The following SLC39A8 variants were observed in gnomAD, a reference collection of about 807,000 sequenced individuals.
The protein encoded by SLC39A8 is metal cation symporter ZIP8.
Under a neutral mutation model 40.4 loss-of-function variants are expected in SLC39A8, and 15 were observed. The observed-to-expected ratio is 0.37, with a 90% CI of 0.25 to 0.57. SLC39A8 has a LOEUF of 0.57. Ranked by LOEUF, SLC39A8 falls within the 20% of genes least tolerant of loss-of-function variation. The pLI is 0.75. For synonymous variants in SLC39A8, 223 were observed against 221.6 expected (o/e 1.01, Z -0.06); for missense variants, 472 against 558.8 (o/e 0.84, Z 1.57).
At chr4:102,275,638 TAGATATCTAC>T (rs755329613) in intron 6 of SLC39A8, among the ~76,000 whole-genome samples, 6 of 152,162 alleles carry the variant, frequency 3.9e-5, no homozygotes, top group Admixed American at 6.5e-5. Context: ...GCTGACCTAA[TAGATATCTAC>T]AGAACTCTCC....
At chr4:102,307,381 C>T (rs1033604205) in intron 4 of SLC39A8, 55 bp downstream of exon 4, 2 of 1,588,688 alleles carry the variant, frequency 1.3e-6, no homozygotes, top group African/African-American at 2.7e-5. Flanking sequence ...ATACAAAGTG[C>T]TAAAACGTTC....
intron 8 of SLC39A8, among the ~76,000 whole-genome samples, chr4:102,265,619 A>G (rs927520757): frequency 6.6e-6 from 1 of 152,230 alleles, no homozygotes; most frequent in Non-Finnish European, 1.5e-5. Flanking sequence ...AGTGCATCAA[A>G]GCAATGTGCA....
At chr4:102,296,172 C>T (rs1733669303) in intron 6 of SLC39A8, among the ~76,000 whole-genome samples, 2 of 152,026 alleles carry the variant, frequency 1.3e-5, no homozygotes, top group African/African-American at 2.4e-5. Flanking sequence ...TAAAGTCCAG[C>T]TTTACTTTCT....
intron 11 of SLC39A8, among the ~76,000 whole-genome samples, chr4:102,255,492 C>T (rs185656330): frequency 6.6e-6 from 1 of 152,222 alleles, no homozygotes; most frequent in Admixed American, 6.5e-5. Flanking sequence ...AGGAACATGA[C>T]CACCAGAAGC....
intron 6 of SLC39A8, among the ~76,000 whole-genome samples, chr4:102,268,823 C>A (rs1732222929): frequency 6.6e-6 from 1 of 152,170 alleles, no homozygotes; most frequent in Admixed American, 6.5e-5. Context: ...GTGATGGACT[C>A]TTTGTAGGAA....
At position 102,344,451 on chromosome 4, in the gene SLC39A8, A is replaced by C. The variant is rs1469606616; in HGVS notation, c.212T>G (p.Phe71Cys). The C allele has an allele frequency of 1.3e-6, 2 of 1,536,456 alleles. No individual in the cohort carries two copies. The highest frequency in any genetic ancestry group is 1.2e-5 in the South Asian group (1 of 81,912). ...VGVPEPGQLHFNQCLTAEEIF... is the reference protein window; with the variant it reads ...VGVPEPGQLHCNQCLTAEEIF... The stretch of plus-strand genomic sequence containing the variant: ...CGGACCTGGCGGCCTTACCTGGTTG[A>C]AGTGCAGCTGGCCAGGCTCCGGGAC... Residue 71 changes from phenylalanine (F) to cysteine (C), a missense_variant, in exon 2 of 9, where the codon TTC (phenylalanine) becomes TGC (cysteine). Physicochemically the swap from Phe to Cys is radical, Grantham distance 205. Coordinates refer to ENST00000356736, the MANE Select transcript of SLC39A8 (RefSeq NM_001135146.2).
chr4:102,340,210 G>C (rs1171229357), intron 2 of SLC39A8, among the ~76,000 whole-genome samples: 1 of 152,114 alleles, frequency 6.6e-6, no homozygotes, highest in East Asian at 1.9e-4. Context: ...CTAGTCTCTA[G>C]AGAGAGGAGT....
chr4:102,308,748 C>T (rs535531200), intron 3 of SLC39A8, among the ~76,000 whole-genome samples: 6 of 152,254 alleles, frequency 3.9e-5, no homozygotes, highest in African/African-American at 1.4e-4. Context: ...CTCCATGGCA[C>T]TGTCAGTGGA....
chr4:102,332,662 C>T (rs1298249939), intron 2 of SLC39A8, among the ~76,000 whole-genome samples: 1 of 152,254 alleles, frequency 6.6e-6, no homozygotes, highest in Non-Finnish European at 1.5e-5. Flanking sequence ...AGTCCCATTA[C>T]TGGGTATATA....
intron 6 of SLC39A8, among the ~76,000 whole-genome samples, chr4:102,276,270 T>C (rs1381423430): frequency 1.1e-4 from 17 of 150,984 alleles, no homozygotes. Context: ...GAGAGAAGAA[T>C]CAAATAGACA....
At chr4:102,299,896 A>C (rs531162431) in intron 6 of SLC39A8, among the ~76,000 whole-genome samples, 1 of 151,874 alleles carries the variant, frequency 6.6e-6, no homozygotes, top group African/African-American at 2.4e-5. Flanking sequence ...TCCAACAAAC[A>C]CCAAGGCTGT....
At chr4:102,301,980 G>A (rs73834732) in intron 6 of SLC39A8, among the ~76,000 whole-genome samples, 58 of 152,106 alleles carry the variant, frequency 3.8e-4, no homozygotes, top group African/African-American at 1.2e-3. Context: ...TCATCAGAAG[G>A]AACTTTCCTG....
intron 6 of SLC39A8, among the ~76,000 whole-genome samples, chr4:102,298,865 A>G (rs1733786896): frequency 6.6e-6 from 1 of 152,066 alleles, no homozygotes; most frequent in East Asian, 1.9e-4. Context: ...AGAGGCACCA[A>G]GTACTTCTGA....
intron 6 of SLC39A8, among the ~76,000 whole-genome samples, chr4:102,280,674 T>C (rs568228538): frequency 2.8e-4 from 43 of 152,346 alleles, no homozygotes; most frequent in African/African-American, 8.9e-4. Context: ...CTTTAATGCA[T>C]GTAACCAAAT....
chr4:102,268,819 G>A (rs1463798261), intron 6 of SLC39A8, among the ~76,000 whole-genome samples: 4 of 152,156 alleles, frequency 2.6e-5, no homozygotes, highest in African/African-American at 7.2e-5. Context: ...TCCTGTGATG[G>A]ACTCTTTGTA....
intron 2 of SLC39A8, among the ~76,000 whole-genome samples, chr4:102,318,335 G>A (rs147551472): frequency 9.9e-5 from 15 of 152,240 alleles, no homozygotes; most frequent in African/African-American, 3.6e-4. Flanking sequence ...CAGAGATGTA[G>A]AGATGATAAA....
intron 6 of SLC39A8, among the ~76,000 whole-genome samples, chr4:102,290,049 C>T (rs927813822): frequency 2.6e-5 from 4 of 152,070 alleles, no homozygotes; most frequent in African/African-American, 9.7e-5. Context: ...AAGAAGCAAT[C>T]GATGTTGCAA....
chr4:102,304,872 A>G (rs1734099295), intron 5 of SLC39A8, 117 bp downstream of exon 5: 1 of 857,348 alleles, frequency 1.2e-6, no homozygotes, highest in Non-Finnish European at 1.8e-6. Flanking sequence ...TTAAACTCAC[A>G]AGCCTAATAA....
At chr4:102,251,627 C>T (rs1560518335) in exon 12 of SLC39A8, 1 of 152,040 alleles carries the variant, frequency 6.6e-6, no homozygotes. Flanking sequence ...GAAAAGAGCC[C>T]ATATAGGGAA....
Sources: gnomAD v4.1 joint callset for allele counts (sites outside exome capture counted in the v4.1 genomes callset) on GRCh38, gnomAD v4.1.1 for gene constraint, MANE v1.5 for transcripts, NCBI Gene and HGNC (gene_info 2026-07-23, HGNC 2026-07-21) for gene names.